The following C1orf94 variants were observed in gnomAD, a reference collection of about 807,000 sequenced individuals.
The protein encoded by C1orf94 is chromosome 1 open reading frame 94.
In C1orf94, 45 loss-of-function variants were observed where a neutral mutation model predicts 53.6. The ratio of observed to expected loss-of-function variants is 0.84; its 90% CI spans 0.66 to 1.08. The LOEUF is 1.08. Ranked by LOEUF, C1orf94 falls within the 50% of genes least tolerant of loss-of-function variation. The pLI is 0.00. For synonymous variants in C1orf94, 304 were observed against 296.1 expected, an observed-to-expected ratio of 1.03 and a Z score of -0.27; for missense variants, 762 against 738.9, an observed-to-expected ratio of 1.03 and a Z score of -0.36.
In C1orf94 at chr1:34,177,069, G is replaced by T. The variant is rs1180044149; in HGVS notation, c.-721G>T. On this transcript the variant is annotated 5_prime_UTR_variant, in exon 1 of 7. Transcript: ENST00000488417. ...AGCCGCTGGGCCCTTCCCGGTGCCC[G>T]CCTGGCAGCGCGGCGCGGCTGGGGC... Among the ~76,000 whole-genome samples the T allele has an allele frequency of 6.6e-6, 1 of 152,242 alleles. No homozygotes were observed. The highest frequency in any genetic ancestry group is 1.5e-5 in the Non-Finnish European group (1 of 68,044).
intron 1 of C1orf94, among the ~76,000 whole-genome samples, chr1:34,179,027 A>AT (rs1410494426): frequency 1.3e-5 from 2 of 152,256 alleles, no homozygotes. Flanking sequence ...GCTCCAACAC[A>AT]TGCTACAGCT....
chr1:34,207,031 A>G (rs1003781400), intron 4 of C1orf94, among the ~76,000 whole-genome samples: 3 of 152,160 alleles, frequency 2.0e-5, no homozygotes, highest in Non-Finnish European at 4.4e-5. Context: ...TCCACAGGCC[A>G]TGAGGGAACC....
At chr1:34,215,861 C>T (rs948844041) in intron 6 of C1orf94, among the ~76,000 whole-genome samples, 1 of 152,114 alleles carries the variant, frequency 6.6e-6, no homozygotes, top group African/African-American at 2.4e-5. Flanking sequence ...CACAAATTAG[C>T]TGGGCATAAT....
Position 34,212,461 on chromosome 1 carries a change from G to C in C1orf94, c.1721+55G>C, listed in dbSNP as rs916950669. 5 of 1,533,428 alleles carry C rather than the reference G, an allele frequency of 3.3e-6. No individual in the cohort carries two copies. In the East Asian group the frequency reaches 1.2e-4, roughly 35 times the overall value. 95.0% of individuals were successfully genotyped at this position (1,533,428 alleles called of 1,614,324 possible). On this transcript the variant is annotated intron_variant, in intron 6 of 6. Coordinates refer to ENST00000488417, the MANE Select transcript of C1orf94 (RefSeq NM_001134734.2). ...GTATCCAGAAAGCTGGTGGGAACGGGGGCAAGTTGGGTGGGCTTACCAGCG... is the reference window on the plus strand; with the variant it reads ...GTATCCAGAAAGCTGGTGGGAACGGCGGCAAGTTGGGTGGGCTTACCAGCG...
At chr1:34,202,818 C>T (rs2148619695) in intron 4 of C1orf94, among the ~76,000 whole-genome samples, 1 of 152,302 alleles carries the variant, frequency 6.6e-6, no homozygotes, top group Non-Finnish European at 1.5e-5. Context: ...CCTCTGTATC[C>T]ATGGGTTCCA....
intron 5 of C1orf94, among the ~76,000 whole-genome samples, chr1:34,210,287 T>C (rs1642868144): frequency 2.6e-5 from 4 of 152,224 alleles, no homozygotes; most frequent in Admixed American, 2.6e-4. Flanking sequence ...GCTCTTGGCA[T>C]GTTCTGACCT....
chr1:34,203,458 C>G (rs1327258601), intron 4 of C1orf94, among the ~76,000 whole-genome samples: 2 of 152,076 alleles, frequency 1.3e-5, no homozygotes, highest in East Asian at 3.9e-4. Context: ...GAGACTTGAG[C>G]ATCTTTGTAT....
At chr1:34,179,967 C>A (rs1642290602) in intron 1 of C1orf94, among the ~76,000 whole-genome samples, 1 of 152,144 alleles carries the variant, frequency 6.6e-6, no homozygotes, top group Admixed American at 6.5e-5. Flanking sequence ...GATAGGAAAC[C>A]AATGACTTAG....
chr1:34,200,534 ATGGGTGG>A (rs1216962272), intron 2 of C1orf94, among the ~76,000 whole-genome samples: 2 of 152,058 alleles, frequency 1.3e-5, no homozygotes, highest in African/African-American at 4.8e-5. Flanking sequence ...TGATGGACAG[ATGGGTGG>A]ATGAATGAAC....
At chr1:34,199,692 C>T (rs1267440684) in intron 2 of C1orf94, among the ~76,000 whole-genome samples, 2 of 152,214 alleles carry the variant, frequency 1.3e-5, no homozygotes, top group African/African-American at 4.8e-5. Flanking sequence ...TGTGGAGGAT[C>T]CTGTGATGGT....
chr1:34,193,821 A>T (rs1279395963), intron 1 of C1orf94, among the ~76,000 whole-genome samples: 1 of 152,246 alleles, frequency 6.6e-6, no homozygotes, highest in Non-Finnish European at 1.5e-5. Context: ...GCAAGAGAAG[A>T]ATGGATATCC....
intron 1 of C1orf94, chr1:34,167,257 C>G (rs755856616): frequency 9.2e-5 from 14 of 152,314 alleles, no homozygotes; most frequent in African/African-American, 3.1e-4. Flanking sequence ...CTTTACCCCT[C>G]TCTTGGAGGC....
chr1:34,176,985 C>T lies in C1orf94; in HGVS notation c.-805C>T, dbSNP rs1052636930. On this transcript the variant is annotated 5_prime_UTR_variant, in exon 1 of 7. Coordinates refer to ENST00000488417, the MANE Select transcript of C1orf94 (RefSeq NM_001134734.2). Reference sequence around the variant, plus strand: ...ACGGCGAGGGTGTGGGAGCTACTGGCAGGCAAATTGGTGGGAGCCGCCCGG... The same window carrying T: ...ACGGCGAGGGTGTGGGAGCTACTGGTAGGCAAATTGGTGGGAGCCGCCCGG... 2.0e-5 allele frequency among the ~76,000 whole-genome samples: 3 copies of T among 152,318 alleles called. No homozygotes were observed. The East Asian group carries it at 5.8e-4, about 30-fold the overall frequency.
intron 4 of C1orf94, among the ~76,000 whole-genome samples, chr1:34,207,416 GGAT>G (rs1244673884): frequency 5.3e-5 from 8 of 152,140 alleles, no homozygotes; most frequent in Non-Finnish European, 8.8e-5. Flanking sequence ...AGGCAGTGAT[GGAT>G]GACAAACACA....
At chr1:34,194,982 G>T (rs971982158) in intron 1 of C1orf94, among the ~76,000 whole-genome samples, 1 of 152,130 alleles carries the variant, frequency 6.6e-6, no homozygotes, top group Non-Finnish European at 1.5e-5. Context: ...CCGCAGATTG[G>T]CAGCCCCTTT....
chr1:34,206,381 C>G (rs1011518955), intron 4 of C1orf94, among the ~76,000 whole-genome samples: 1 of 152,198 alleles, frequency 6.6e-6, no homozygotes, highest in African/African-American at 2.4e-5. Context: ...TAGGGAAGCT[C>G]AGCTGCTGCA....
chr1:34,218,672 T>C lies in C1orf94; in HGVS notation c.1722-14T>C. ...AGGAATCTCATCATGGCATCCACCCTCCCTCTCTTCCAGGTTCGGCTCGAC... is the reference window on the plus strand; with the variant it reads ...AGGAATCTCATCATGGCATCCACCCCCCCTCTCTTCCAGGTTCGGCTCGAC... On this transcript the variant is annotated splice_polypyrimidine_tract_variant and intron_variant, in intron 6 of 6. Transcript: ENST00000488417. 1 of 1,609,634 alleles carries C rather than the reference T, an allele frequency of 6.2e-7. No homozygotes were observed. The highest frequency in any genetic ancestry group is 1.1e-5 in the South Asian group (1 of 90,586).
At chr1:34,209,932 G>C (rs1642863806) in intron 5 of C1orf94, among the ~76,000 whole-genome samples, 1 of 152,012 alleles carries the variant, frequency 6.6e-6, no homozygotes, top group Admixed American at 6.6e-5. Flanking sequence ...TTAAAACTTG[G>C]AGGCAATCAC....
At chr1:34,215,161 G>A (rs1198918572) in intron 6 of C1orf94, among the ~76,000 whole-genome samples, 1 of 152,298 alleles carries the variant, frequency 6.6e-6, no homozygotes, top group East Asian at 1.9e-4. Flanking sequence ...CTTGAGCCAA[G>A]ATCTAAATGA....
Sources: gnomAD v4.1 joint callset for allele counts (sites outside exome capture counted in the v4.1 genomes callset) on GRCh38, gnomAD v4.1.1 for gene constraint, MANE v1.5 for transcripts, NCBI Gene and HGNC (gene_info 2026-07-23, HGNC 2026-07-21) for gene names.